The following AUNIP variants were observed in gnomAD, a reference collection of about 807,000 sequenced individuals.
The protein encoded by AUNIP is aurora kinase A- and ninein-interacting protein.
Under a neutral mutation model 12.2 loss-of-function variants are expected in AUNIP, and 16 were observed. That is an observed-to-expected ratio of 1.31 (90% CI 0.88 to 1.99). The LOEUF is 1.99. Among genes scored for constraint, AUNIP ranks in the 30% most tolerant of loss-of-function variants. AUNIP has a pLI of 0.00. For synonymous variants in AUNIP, 142 were observed against 154.8 expected, an observed-to-expected ratio of 0.92 and a Z score of 0.61; for missense variants, 411 against 419.1, an observed-to-expected ratio of 0.98 and a Z score of 0.17.
Position 25,835,001 on chromosome 1 carries a change from G to A in AUNIP, c.1066C>T (p.Gln356Ter). The part of the protein sequence containing the change: ...DSEGNQVIRH[Q>*]F ...AACAAAGCTTCAAACATTTAGAATT[G>A]GTGTCTGATAACTTGATTACCTTCA... The change falls in exon 3 of 3, where the codon CAA becomes TAA. Residue 356 changes from glutamine to a stop codon, truncating the protein, a stop_gained. Coordinates refer to ENST00000374298, the MANE Select transcript of AUNIP (RefSeq NM_024037.3). LOFTEE classifies it high-confidence loss of function. The A allele has an allele frequency of 1.2e-6, 2 of 1,604,920 alleles. No homozygotes were observed. The highest frequency in any genetic ancestry group is 1.7e-6 in the Non-Finnish European group (2 of 1,175,706).
intron 1 of AUNIP, among the ~76,000 whole-genome samples, chr1:25,848,596 T>C (rs1027750188): frequency 6.6e-6 from 1 of 152,110 alleles, no homozygotes; most frequent in Non-Finnish European, 1.5e-5. Flanking sequence ...TTTTGTTTTG[T>C]TTTTTAACCT....
At chr1:25,843,546 C>T (rs549831814) in intron 1 of AUNIP, among the ~76,000 whole-genome samples, 61 of 121,940 alleles carry the variant, frequency 5.0e-4, no homozygotes, top group African/African-American at 1.8e-3. Flanking sequence ...CACTTAAGCT[C>T]AGGAGTTTGA....
chr1:25,853,555 C>T (rs1373163636), intron 1 of AUNIP, among the ~76,000 whole-genome samples: 1 of 152,140 alleles, frequency 6.6e-6, no homozygotes, highest in Non-Finnish European at 1.5e-5. Flanking sequence ...TGAGATCGTG[C>T]CACTGCACCC....
At chr1:25,855,577 G>C (rs2048454855) in intron 1 of AUNIP, among the ~76,000 whole-genome samples, 1 of 152,156 alleles carries the variant, frequency 6.6e-6, no homozygotes, top group Non-Finnish European at 1.5e-5. Flanking sequence ...AATTAGGAGA[G>C]AAGCAAACTC....
intron 1 of AUNIP, among the ~76,000 whole-genome samples, chr1:25,858,653 G>A (rs2048481909): frequency 6.6e-6 from 1 of 152,204 alleles, no homozygotes; most frequent in Admixed American, 6.5e-5. Context: ...GGCGGGCCTA[G>A]GTTAGTTACT....
chr1:25,837,963 G>A (rs760765920), intron 1 of AUNIP, among the ~76,000 whole-genome samples: 54 of 152,100 alleles, frequency 3.6e-4, no homozygotes, highest in African/African-American at 1.1e-3. Flanking sequence ...GTCCTTGGCC[G>A]GGCGCGGTGG....
Position 25,859,203 on chromosome 1 carries a change from G to A in AUNIP, c.78+77C>T, listed in dbSNP as rs945772389. ...GACTTCGCTTTCATCATCTCCAGGT[G>A]TCCCCCAAACTCCTCCCGTCTTACG... On this transcript the variant is annotated intron_variant, in intron 1 of 2. Coordinates refer to ENST00000374298, the MANE Select transcript of AUNIP (RefSeq NM_024037.3). The A allele has an allele frequency of 4.2e-6, 6 of 1,436,030 alleles. No individual in the cohort carries two copies. The African/African-American group carries it at 8.6e-5, about 21-fold the overall frequency. The allele number at this position is 1,436,030 out of a possible 1,614,324, so 89.0% of individuals were successfully genotyped here. A position where few individuals can be genotyped will look rare whatever the true frequency, so the allele number is the denominator to read the frequency against.
intron 1 of AUNIP, among the ~76,000 whole-genome samples, chr1:25,857,952 G>A (rs929002866): frequency 1.3e-5 from 2 of 152,088 alleles, no homozygotes; most frequent in Non-Finnish European, 2.9e-5. Flanking sequence ...CAGATCACGA[G>A]GTCAGGAGAG....
Position 25,847,256 on chromosome 1 carries a change from G to GT in AUNIP, c.79-9703dup, listed in dbSNP as rs200427725. On this transcript the variant is annotated intron_variant, in intron 1 of 2. Transcript: ENST00000374298. The surrounding 1 kb of genome is among the most constrained non-coding windows in gnomAD (Gnocchi z 4.2). ...AAATTACAGCTTAAAAAACAGTTGT[G>GT]TTTTTTTTGTTTTGTTTTTTTTTGA... Among the ~76,000 whole-genome samples the GT allele has an allele frequency of 8.0e-5, 12 of 149,278 alleles. No individual in the cohort carries two copies. The highest frequency in any genetic ancestry group is 1.9e-4 in the East Asian group (1 of 5,136).
chr1:25,844,600 C>CTT (rs141052356), intron 1 of AUNIP, among the ~76,000 whole-genome samples: 4 of 148,272 alleles, frequency 2.7e-5, no homozygotes, highest in African/African-American at 9.9e-5. Context: ...AATATAATTC[C>CTT]TTTTTTTTTT....
chr1:25,840,661 A>G (rs2048341904), intron 1 of AUNIP, among the ~76,000 whole-genome samples: 1 of 152,230 alleles, frequency 6.6e-6, no homozygotes, highest in Non-Finnish European at 1.5e-5. Flanking sequence ...TGACAGAAGT[A>G]ACAAACACCA....
intron 1 of AUNIP, among the ~76,000 whole-genome samples, chr1:25,843,183 A>ATATATATATATATATAT (rs1188949749): frequency 4.4e-5 from 5 of 114,266 alleles, no homozygotes; most frequent in South Asian, 2.5e-4. Context: ...AAAAAAAAAA[A>ATATATATATATATATAT]AAATATATAT....
chr1:25,836,729 G>T (rs1316500830), intron 2 of AUNIP, among the ~76,000 whole-genome samples: 7 of 151,858 alleles, frequency 4.6e-5, no homozygotes, highest in Non-Finnish European at 8.8e-5. Context: ...TTTTTTGTTT[G>T]TTTTTTTTAA....
chr1:25,840,939 G>T (rs568801156), intron 1 of AUNIP, among the ~76,000 whole-genome samples: 2 of 152,202 alleles, frequency 1.3e-5, no homozygotes, highest in African/African-American at 2.4e-5. Flanking sequence ...GCTTAAGAGA[G>T]AATAATAGAC....
chr1:25,841,229 T>C (rs1269224634), intron 1 of AUNIP, among the ~76,000 whole-genome samples: 1 of 152,210 alleles, frequency 6.6e-6, no homozygotes, highest in Non-Finnish European at 1.5e-5. Context: ...AAAAGGTTAT[T>C]TGGAACTGAG....
At chr1:25,843,595 A>G (rs12138997) in intron 1 of AUNIP, among the ~76,000 whole-genome samples, 68 of 93,700 alleles carry the variant, frequency 7.3e-4, no homozygotes, top group African/African-American at 1.4e-3. Context: ...TGTCTGTTTG[A>G]AAAAAAAAAA....
At chr1:25,850,211 AAAC>A (rs140025145) in intron 1 of AUNIP, among the ~76,000 whole-genome samples, 10 of 151,796 alleles carry the variant, frequency 6.6e-5, no homozygotes, top group Middle Eastern at 3.4e-3. Flanking sequence ...CTGATTCTAA[AAAC>A]AACAACAACA....
intron 1 of AUNIP, among the ~76,000 whole-genome samples, chr1:25,843,274 T>C (rs2048358754): frequency 6.6e-6 from 1 of 151,108 alleles, no homozygotes; most frequent in African/African-American, 2.4e-5. Context: ...ATTAATGTTT[T>C]CATGCCTGTT....
intron 1 of AUNIP, among the ~76,000 whole-genome samples, chr1:25,837,894 A>G (rs964248766): frequency 6.6e-6 from 1 of 152,222 alleles, no homozygotes; most frequent in African/African-American, 2.4e-5. Context: ...CAGTTGATGC[A>G]TTTTCAGTAG....
Sources: allele counts gnomAD v4.1 joint callset (sites outside exome capture counted in the v4.1 genomes callset), GRCh38; gene constraint gnomAD v4.1.1; non-coding constraint Gnocchi (gnomAD v3.1); transcripts MANE v1.5; gene names NCBI Gene and HGNC (gene_info 2026-07-23, HGNC 2026-07-21).